The following MEIG1 variants were observed in gnomAD, a reference collection of about 807,000 sequenced individuals.
The protein encoded by MEIG1 is meiosis/spermiogenesis associated 1.
Under a neutral mutation model 11.3 loss-of-function variants are expected in MEIG1, and 12 were observed. That is an observed-to-expected ratio of 1.07 (90% CI 0.68 to 1.73). MEIG1 has a LOEUF of 1.73. Among genes scored for constraint, MEIG1 ranks in the 40% most tolerant of loss-of-function variants. The pLI, the probability that MEIG1 is intolerant of heterozygous loss-of-function variation, is 0.00. For synonymous variants in MEIG1, 41 were observed against 33.2 expected (o/e 1.24, Z -0.81); for missense variants, 119 against 104.9 (o/e 1.13, Z -0.59).
intron 1 of MEIG1, among the ~76,000 whole-genome samples, chr10:14,960,659 C>A (rs1419387716): frequency 2.0e-5 from 3 of 151,984 alleles, no homozygotes; most frequent in African/African-American, 7.2e-5. Flanking sequence ...ACCTCGTGAT[C>A]CACCCGCCTC....
chr10:14,983,482 T>C (rs1286022803), intron 1 of MEIG1, among the ~76,000 whole-genome samples: 1 of 152,018 alleles, frequency 6.6e-6, no homozygotes, highest in African/African-American at 2.4e-5. Context: ...TCCTGGGATA[T>C]TCTTCCTAAT....
In MEIG1 at chr10:14,980,400, A is replaced by G. The variant is rs145876896; in HGVS notation, n.67-6396A>G. Among the ~76,000 whole-genome samples the G allele has an allele frequency of 6.2e-4, 95 of 152,124 alleles. 1 individual carries two copies. The highest frequency in any genetic ancestry group is 2.3e-3 in the African/African-American group (94 of 41,482). On this transcript the variant is annotated intron_variant and non_coding_transcript_variant, in intron 1 of 2. Transcript: ENST00000467536. Reference sequence around the variant, plus strand: ...ATTCATAATCGTTTCCAGGGATGTTACTCCTAATGTCACACGTGGTGTACA... The same window carrying G: ...ATTCATAATCGTTTCCAGGGATGTTGCTCCTAATGTCACACGTGGTGTACA...
chr10:14,960,554 G>A (rs1011379070), intron 1 of MEIG1, among the ~76,000 whole-genome samples: 7 of 152,016 alleles, frequency 4.6e-5, no homozygotes, highest in African/African-American at 1.7e-4. Flanking sequence ...GAGTAGCTGG[G>A]ACCACAGGTG....
At chr10:14,959,881 C>T (rs1842991990) in intron 1 of MEIG1, among the ~76,000 whole-genome samples, 1 of 152,222 alleles carries the variant, frequency 6.6e-6, no homozygotes, top group South Asian at 2.1e-4. Flanking sequence ...TTTTGTCCGT[C>T]CCAGCCTTCA....
chr10:14,974,902 TAATA>T (rs1564507671), downstream of MEIG1, among the ~76,000 whole-genome samples: 1 of 151,558 alleles, frequency 6.6e-6, no homozygotes, highest in South Asian at 2.1e-4. Flanking sequence ...TTCATGTTAA[TAATA>T]AATGAGGATG....
downstream of MEIG1, among the ~76,000 whole-genome samples, chr10:14,975,828 A>C (rs74123213): frequency 0.034 from 5,187 of 152,184 alleles, 99 homozygotes; most frequent in Middle Eastern, 0.075. Flanking sequence ...TCCTAATTTC[A>C]ACATGGGAGA....
downstream of MEIG1, among the ~76,000 whole-genome samples, chr10:14,973,052 GAT>G (rs1310059173): frequency 6.6e-6 from 1 of 151,964 alleles, no homozygotes; most frequent in Non-Finnish European, 1.5e-5. Flanking sequence ...ATTTAATAGA[GAT>G]ATGATTTCAT....
chr10:14,981,847 C>T (rs1589215528), intron 1 of MEIG1, among the ~76,000 whole-genome samples: 1 of 152,220 alleles, frequency 6.6e-6, no homozygotes, highest in South Asian at 2.1e-4. Context: ...GCCCCCCTTC[C>T]CTTGCTTCTT....
intron 1 of MEIG1, among the ~76,000 whole-genome samples, chr10:14,985,740 C>T (rs1229736349): frequency 6.6e-6 from 1 of 151,980 alleles, no homozygotes; most frequent in African/African-American, 2.4e-5. Flanking sequence ...GAGGATGTTA[C>T]TCCTAATATG....
At chr10:14,983,804 G>A (rs569900908) in intron 1 of MEIG1, among the ~76,000 whole-genome samples, 4 of 152,110 alleles carry the variant, frequency 2.6e-5, no homozygotes, top group African/African-American at 9.6e-5. Flanking sequence ...ATATTCCAAG[G>A]GGGAGAGGTT....
At chr10:14,983,322 C>G (rs1236685866) in intron 1 of MEIG1, among the ~76,000 whole-genome samples, 1 of 152,092 alleles carries the variant, frequency 6.6e-6, no homozygotes, top group Non-Finnish European at 1.5e-5. Flanking sequence ...CACAACCCTT[C>G]TGTGACATCG....
intron 2 of MEIG1, among the ~76,000 whole-genome samples, chr10:14,967,507 T>TAC (rs1843100009): frequency 7.3e-6 from 1 of 136,970 alleles, no homozygotes; most frequent in Non-Finnish European, 1.6e-5. Context: ...CTAAGATATT[T>TAC]TTTTTTTTTT....
At chr10:14,971,095 G>A (rs1432537552) in intron 2 of MEIG1, among the ~76,000 whole-genome samples, 3 of 151,798 alleles carry the variant, frequency 2.0e-5, no homozygotes, top group African/African-American at 7.3e-5. Flanking sequence ...AAGAAGGAAT[G>A]GTAGGAGATG....
intron 1 of MEIG1, among the ~76,000 whole-genome samples, chr10:14,986,555 C>G (rs985152011): frequency 2.6e-5 from 4 of 152,286 alleles, no homozygotes; most frequent in Admixed American, 6.5e-5. Flanking sequence ...CCATCCCATC[C>G]CTTTTCTTCG....
At chr10:14,965,503 G>A (rs1010948224) in intron 1 of MEIG1, among the ~76,000 whole-genome samples, 1 of 152,108 alleles carries the variant, frequency 6.6e-6, no homozygotes, top group Non-Finnish European at 1.5e-5. Context: ...TCTGTGTTAG[G>A]CCATTTTCTC....
intron 2 of MEIG1, chr10:14,987,435 G>T: frequency 1.4e-6 from 1 of 720,672 alleles, no homozygotes; most frequent in Non-Finnish European, 2.6e-6. Flanking sequence ...GTGAGATTCC[G>T]TGGCTCTGTG....
At chr10:14,955,280 C>G (rs964916925), upstream of MEIG1, among the ~76,000 whole-genome samples, 16 of 152,186 alleles carry the variant, frequency 1.1e-4, no homozygotes, top group Non-Finnish European at 2.1e-4. Flanking sequence ...GACAAACCTT[C>G]GGGTAGCATT....
At chr10:14,976,085 G>C (rs938321871), downstream of MEIG1, among the ~76,000 whole-genome samples, 2 of 152,128 alleles carry the variant, frequency 1.3e-5, no homozygotes, top group African/African-American at 4.8e-5. Context: ...CATCGCGGGG[G>C]GCGTCCGCCC....
intron 1 of MEIG1, among the ~76,000 whole-genome samples, chr10:14,961,622 C>G (rs1249811370): frequency 7.8e-6 from 1 of 128,354 alleles, no homozygotes; most frequent in South Asian, 2.6e-4. Context: ...CAGGCAGCCG[C>G]CACCGCATCC....
Sources: allele counts gnomAD v4.1 joint callset (sites outside exome capture counted in the v4.1 genomes callset), GRCh38; gene constraint gnomAD v4.1.1; transcripts MANE v1.5; gene names NCBI Gene and HGNC (gene_info 2026-07-23, HGNC 2026-07-21).